UBP1: variants seen among roughly 807,000 people sequenced by gnomAD.
UBP1 encodes upstream-binding protein 1.
Under a neutral mutation model 76.1 loss-of-function variants are expected in UBP1, and 22 were observed. The ratio of observed to expected loss-of-function variants is 0.29; its 90% CI spans 0.21 to 0.41. The LOEUF is 0.41. UBP1 is among the 10% of genes least tolerant of loss of function. UBP1 has a pLI of 1.00. For synonymous variants in UBP1, 224 were observed against 237.1 expected (o/e 0.94, Z 0.51); for missense variants, 436 against 668.1 (o/e 0.65, Z 3.83).
chr3:33,410,583 G>GT (rs2044555728), intron 5 of UBP1, among the ~76,000 whole-genome samples: 1 of 152,210 alleles, frequency 6.6e-6, no homozygotes, highest in African/African-American at 2.4e-5. Context: ...TGGTCAGCAA[G>GT]TAAGTGGTTT....
At chr3:33,393,077 G>A in intron 14 of UBP1, 3 of 435,862 alleles carry the variant, frequency 6.9e-6, no homozygotes, top group East Asian at 3.8e-5. Flanking sequence ...GTGATTGGCT[G>A]CATCCTAAAG....
intron 8 of UBP1, among the ~76,000 whole-genome samples, chr3:33,404,498 AT>A (rs2044362415): frequency 6.6e-6 from 1 of 150,906 alleles, no homozygotes; most frequent in African/African-American, 2.4e-5. Context: ...AAAAAAAAAA[AT>A]AGCCAGGTAT....
chr3:33,425,712 T>A lies in UBP1; in HGVS notation c.143A>T (p.Gln48Leu), dbSNP rs778820779. Residue 48 changes from glutamine to leucine, a missense_variant, in exon 2 of 16, where the codon CAG becomes CTG. By Grantham distance (113) the Gln-to-Leu change is moderately radical. Coordinates refer to ENST00000283629, the MANE Select transcript of UBP1 (RefSeq NM_014517.5). ...SDVLALPIFK[Q>L]EDSSLPLDGE... ...ATCCAATGGAAGGCTGGAATCTTCC[T>A]GCTTGAAAATGGGCAATGCCAAGAC... 1 of 1,598,464 alleles carries A rather than the reference T, an allele frequency of 6.3e-7. No homozygotes were observed. The highest frequency in any genetic ancestry group is 8.6e-7 in the Non-Finnish European group (1 of 1,167,668).
intron 10 of UBP1, among the ~76,000 whole-genome samples, chr3:33,400,705 T>G (rs1425914537): frequency 2.0e-5 from 3 of 152,026 alleles, no homozygotes; most frequent in Non-Finnish European, 4.4e-5. Flanking sequence ...TGAGAAGAAC[T>G]GGATTAAAGG....
rs763487385 is a variant in UBP1, at chr3:33,409,545, C to G, written c.612G>C (p.Val204=). 6.2e-7 allele frequency: 1 copy of G among 1,614,180 alleles called. No homozygotes were observed. Among genetic ancestry groups the G allele is most frequent in the East Asian group, 2.2e-5 (1 of 44,880 alleles). ...AGGTGTCAACCTGGATCCTAAAGGG[C>G]ACTCCCTTTTCACCTCCGTGCTTCC... ...TPRKHGGEKG[V]PFRIQVDTFK... is the part of the protein sequence containing the mutation. Residue 204 remains valine, a synonymous_variant, in exon 6 of 16, where the codon GTG becomes GTC. Transcript: ENST00000283629.
At chr3:33,401,094 G>C (rs958722313) in intron 9 of UBP1, 78 bp from the exon 10 acceptor site, 9 of 1,355,466 alleles carry the variant, frequency 6.6e-6, no homozygotes, top group Non-Finnish European at 9.0e-6. Context: ...AAAAGCTGTT[G>C]CATTGTAACT....
At position 33,390,141 on chromosome 3, in the gene UBP1, G is replaced by A; in HGVS notation, c.*190C>T. The A allele has an allele frequency of 1.6e-6, 1 of 611,602 alleles. No homozygotes were observed. Among genetic ancestry groups the A allele is most frequent in the South Asian group, 2.3e-5 (1 of 43,288 alleles). The allele number at this position is 611,602 out of a possible 1,614,324, so 37.9% of individuals were successfully genotyped here. A position where few individuals can be genotyped will look rare whatever the true frequency, so the allele number is the denominator to read the frequency against. On this transcript the variant is annotated 3_prime_UTR_variant, in exon 16 of 16. Transcript: ENST00000283629. ...GTGCCGATGTGCTCACTCTCATGAG[G>A]ATGCTTGGCTATGGCAGTGACAGTG... is the stretch of plus-strand genomic sequence containing the variant.
chr3:33,420,304 A>T (rs6765153), intron 2 of UBP1, among the ~76,000 whole-genome samples: 1 of 151,878 alleles, frequency 6.6e-6, no homozygotes, highest in Admixed American at 6.6e-5. Context: ...GTTTCTAGGG[A>T]CTTATAGCTG....
At chr3:33,435,908 C>A (rs967426108) in intron 1 of UBP1, among the ~76,000 whole-genome samples, 1 of 152,130 alleles carries the variant, frequency 6.6e-6, no homozygotes, top group Non-Finnish European at 1.5e-5. Context: ...GCTTATACAA[C>A]AAAAATTTTA....
chr3:33,411,072 C>CA (rs893694272), intron 5 of UBP1, among the ~76,000 whole-genome samples: 5,965 of 65,298 alleles, frequency 0.091, 158 homozygotes, highest in Middle Eastern at 0.16. Context: ...AACTCCATCT[C>CA]AAAAAAAAAA....
rs766533225 is a variant in UBP1 at position 33,390,294 on chromosome 3, T to C, written c.*37A>G. On this transcript the variant is annotated 3_prime_UTR_variant, in exon 16 of 16. Transcript: ENST00000283629. The stretch of plus-strand genomic sequence containing the variant: ...GTCTTCACACACTTTTAAGCGTGAC[T>C]ATTTGGTACTGAATACAGTTCAGTC... 2 of 1,598,966 alleles carry C rather than the reference T, an allele frequency of 1.3e-6. No homozygotes were observed. The highest frequency in any genetic ancestry group is 1.7e-6 in the Non-Finnish European group (2 of 1,168,330).
At chr3:33,425,893 G>T in intron 1 of UBP1, 152 bp from the exon 2 acceptor site, 1 of 631,126 alleles carries the variant, frequency 1.6e-6, no homozygotes, top group Non-Finnish European at 2.4e-6. Flanking sequence ...GAAATTATAT[G>T]TAGAATAAAA....
Position 33,439,922 on chromosome 3 carries a change from C to T in UBP1, c.-74G>A. The T allele has an allele frequency of 1.3e-6, 2 of 1,554,854 alleles. No homozygotes were observed. Among genetic ancestry groups the T allele is most frequent in the South Asian group, 1.1e-5 (1 of 87,930 alleles). ...CGAAGGAGCCGGAGCTCCGCTGGCGCGTCCTGGGGGAGGGCGCGGGTGAAG... is the reference window on the plus strand; with the variant it reads ...CGAAGGAGCCGGAGCTCCGCTGGCGTGTCCTGGGGGAGGGCGCGGGTGAAG... On this transcript the variant is annotated 5_prime_UTR_variant, in exon 1 of 16. Transcript: ENST00000283629.
intron 3 of UBP1, among the ~76,000 whole-genome samples, chr3:33,416,318 GA>G (rs140881579): frequency 0.02 from 3,080 of 152,268 alleles, 58 homozygotes; most frequent in Admixed American, 0.056. Context: ...AGGTTAGCTG[GA>G]AAACAGCTAT....
At chr3:33,416,258 A>G (rs1170562401) in intron 3 of UBP1, among the ~76,000 whole-genome samples, 2 of 152,222 alleles carry the variant, frequency 1.3e-5, no homozygotes, top group Non-Finnish European at 2.9e-5. Flanking sequence ...GATACAGGCT[A>G]GGAGGGGCCA....
chr3:33,413,566 CTT>C (rs949563875), intron 3 of UBP1, among the ~76,000 whole-genome samples: 3 of 139,612 alleles, frequency 2.1e-5, no homozygotes, highest in African/African-American at 8.0e-5. Context: ...AAAAAAAAAA[CTT>C]TGAGTTTTGA....
intron 14 of UBP1, 21 bp from the exon 15 acceptor site, chr3:33,392,635 C>T (rs775482794): frequency 4.2e-5 from 67 of 1,594,144 alleles, no homozygotes; most frequent in Non-Finnish European, 5.1e-5. Flanking sequence ...AAAGTAAATG[C>T]GTAAGTACAA....
At chr3:33,406,221 C>T (rs138827430) in intron 8 of UBP1, among the ~76,000 whole-genome samples, 1 of 152,230 alleles carries the variant, frequency 6.6e-6, no homozygotes, top group East Asian at 1.9e-4. Context: ...TCAGCCTTGG[C>T]AATACAGTGA....
chr3:33,406,377 C>G (rs1222838370), intron 8 of UBP1, among the ~76,000 whole-genome samples: 1 of 152,348 alleles, frequency 6.6e-6, no homozygotes, highest in Non-Finnish European at 1.5e-5. Context: ...TCATGGGTAT[C>G]ACACACTGTC....
Sources: gnomAD v4.1 joint callset for allele counts (sites outside exome capture counted in the v4.1 genomes callset) on GRCh38, gnomAD v4.1.1 for gene constraint, MANE v1.5 for transcripts, NCBI Gene and HGNC (gene_info 2026-07-23, HGNC 2026-07-21) for gene names.